Variants in IQCC observed in about 807,000 individuals in gnomAD.
IQCC encodes IQ motif containing C.
Under a neutral mutation model 27.0 loss-of-function variants are expected in IQCC, and 23 were observed. The observed-to-expected ratio is 0.85, with a 90% CI of 0.61 to 1.21. The LOEUF is 1.21. Among genes scored for constraint, IQCC ranks in the 50% most tolerant of loss-of-function variants. The pLI is 0.00. For synonymous variants in IQCC, 220 were observed against 217.2 expected (o/e 1.01, Z -0.11); for missense variants, 552 against 562.3 (o/e 0.98, Z 0.19).
In IQCC at chr1:32,208,107, A is replaced by G; in HGVS notation, c.*25A>G. ...GACCCTAGGAAGCCAGGAGAGGATC[A>G]GGTTCCAAAGGGGAATGCTATGAAA... On this transcript the variant is annotated 3_prime_UTR_variant, in exon 5 of 5. Transcript: ENST00000291358. The G allele has an allele frequency of 6.4e-7, 1 of 1,557,568 alleles. No homozygotes were observed. The highest frequency in any genetic ancestry group is 8.7e-7 in the Non-Finnish European group (1 of 1,152,358).
At chr1:32,206,398 A>T in intron 2 of IQCC, 101 bp downstream of exon 2, 2 of 1,596,134 alleles carry the variant, frequency 1.3e-6, no homozygotes, top group Non-Finnish European at 1.7e-6. Context: ...CAGTAGACTC[A>T]CCTCCTCACA....
In IQCC at chr1:32,206,999, C is replaced by G. The variant is rs760614045; in HGVS notation, c.440-3C>G. 5 of 1,602,786 alleles carry G rather than the reference C, an allele frequency of 3.1e-6. No individual in the cohort carries two copies. Among genetic ancestry groups the G allele is most frequent in the Non-Finnish European group, 4.3e-6 (5 of 1,173,124 alleles). On this transcript the variant is annotated splice_polypyrimidine_tract_variant and splice_region_variant and intron_variant, in intron 3 of 4. Transcript: ENST00000291358. The stretch of plus-strand genomic sequence containing the variant: ...TCTCCTTCCTTTCTTCCCTCCTTCA[C>G]AGAAGCCACAGATCAAAGACTGCCC...
Position 32,207,787 on chromosome 1 carries a change from T to C in IQCC, c.1106T>C (p.Val369Ala). Reference sequence around the variant, plus strand: ...CACAAAGAGCCTGACTGCCGAACAGTCAGGACACAAGAGTTGGGCCTCTCA... The same window carrying C: ...CACAAAGAGCCTGACTGCCGAACAGCCAGGACACAAGAGTTGGGCCTCTCA... Reference protein sequence around the residue: ...LDHKEPDCRTVRTQELGLSED... With the variant: ...LDHKEPDCRTARTQELGLSED... Residue 369 changes from valine to alanine, a missense_variant, in exon 5 of 5, where the codon GTC (valine) becomes GCC (alanine). By Grantham distance (64) the Val-to-Ala change is moderately conservative (BLOSUM62 0). Transcript: ENST00000291358. 1 of 1,613,926 alleles carries C rather than the reference T, an allele frequency of 6.2e-7. No individual in the cohort carries two copies. Among genetic ancestry groups the C allele is most frequent in the Non-Finnish European group, 8.5e-7 (1 of 1,179,962 alleles).
chr1:32,206,240 C>G lies in IQCC; in HGVS notation c.129C>G (p.Asp43Glu). 3 of 1,614,210 alleles carry G rather than the reference C, an allele frequency of 1.9e-6. No homozygotes were observed. Among genetic ancestry groups the G allele is most frequent in the Non-Finnish European group, 2.5e-6 (3 of 1,180,030 alleles). ...CGATTGTACGAGAGGTCGAGGGCGA[C>G]CTGGGCACGCTTCAGTGGACCGAGG... ...YEAIVREVEGDLGTLQWTEGR... is the reference protein window; with the variant it reads ...YEAIVREVEGELGTLQWTEGR... The change falls in exon 2 of 5, where the codon GAC becomes GAG. Residue 43 changes from aspartate (D) to glutamate (E), a missense_variant. Physicochemically the swap from Asp to Glu is conservative, Grantham distance 45 (BLOSUM62 2). Transcript: ENST00000291358.
rs1380708175 is a variant in IQCC at position 32,207,652 on chromosome 1, C to A, written c.971C>A (p.Thr324Asn). 1 of 1,614,002 alleles carries A rather than the reference C, an allele frequency of 6.2e-7. No homozygotes were observed. The highest frequency in any genetic ancestry group is 8.5e-7 in the Non-Finnish European group (1 of 1,179,990). The stretch of plus-strand genomic sequence containing the variant: ...CAGATGAAAATCCTGGAGGACCAGA[C>A]CCCCAGAGGTTTAAAACCTAGGAAC... Reference protein sequence around the residue: ...LLQMKILEDQTPRGLKPRNHC... With the variant: ...LLQMKILEDQNPRGLKPRNHC... The change falls in exon 5 of 5, where the codon ACC becomes AAC. Residue 324 changes from threonine (T) to asparagine (N), a missense_variant. Transcript: ENST00000291358.
chr1:32,207,368 G>C lies in IQCC; in HGVS notation c.687G>C (p.Glu229Asp). 1 of 1,614,044 alleles carries C rather than the reference G, an allele frequency of 6.2e-7. No individual in the cohort carries two copies. The highest frequency in any genetic ancestry group is 1.6e-4 in the Middle Eastern group (1 of 6,062). The change falls in exon 5 of 5, where the codon GAG (glutamate) becomes GAC (aspartate). Residue 229 changes from glutamate to aspartate, a missense_variant. Coordinates refer to ENST00000291358, the MANE Select transcript of IQCC (RefSeq NM_018134.3). ...RDQSQPSAPL[E>D]DQSYRDRTTG... ...AGTCACAACCAAGCGCACCACTGGA[G>C]GACCAGTCCTACAGAGACAGGACCA...
chr1:32,206,121 A>G (rs202112274), intron 1 of IQCC, 33 bp from the exon 2 acceptor site: 375 of 1,613,596 alleles, frequency 2.3e-4, no homozygotes, highest in Non-Finnish European at 3.1e-4. Flanking sequence ...TTACCGTGAT[A>G]AGGGACTTCT....
Position 32,206,497 on chromosome 1 carries a change from C to CT in IQCC, c.187-10dup, listed in dbSNP as rs1245748131. ...TTAGCCCTGGGGCTCTCACATCTCT[C>CT]TTGTTTCTCAGAAGGCAAAATCCCA... On this transcript the variant is annotated splice_polypyrimidine_tract_variant and intron_variant, in intron 2 of 4. Coordinates refer to ENST00000291358, the MANE Select transcript of IQCC (RefSeq NM_018134.3). The CT allele has an allele frequency of 3.1e-6, 5 of 1,613,886 alleles. No homozygotes were observed. In the African/African-American group the frequency reaches 6.7e-5, roughly 22 times the overall value.
rs1244786768 is a variant in IQCC at position 32,205,850 on chromosome 1, C to G, written c.42+127C>G. 3.2e-6 allele frequency: 5 copies of G among 1,555,100 alleles called. No individual in the cohort carries two copies. The highest frequency in any genetic ancestry group is 2.6e-6 in the Non-Finnish European group (3 of 1,148,916). On this transcript the variant is annotated intron_variant, in intron 1 of 4. Coordinates refer to ENST00000291358, the MANE Select transcript of IQCC (RefSeq NM_018134.3). This position sits in a 1 kb window ranked among gnomAD's most constrained non-coding sequence, Gnocchi z 5.6. ...AACTGCGCGCCAACCTCTGGAGATA[C>G]CGGCTGTCCCCAACCGCGCTGAGGA...
intron 2 of IQCC, 67 bp downstream of exon 2, chr1:32,206,364 A>T: frequency 6.2e-7 from 1 of 1,603,914 alleles, no homozygotes. Flanking sequence ...CTTCCCAGTG[A>T]TAAGCTTTTC....
chr1:32,206,103 C>A, intron 1 of IQCC, 51 bp from the exon 2 acceptor site: 1 of 1,612,610 alleles, frequency 6.2e-7, no homozygotes, highest in Non-Finnish European at 8.5e-7. Flanking sequence ...TCCGAGATGC[C>A]CCCTCTCTTA....
At position 32,208,206 on chromosome 1, in the gene IQCC, A is replaced by G; in HGVS notation, c.*124A>G. On this transcript the variant is annotated 3_prime_UTR_variant, in exon 5 of 5. Coordinates refer to ENST00000291358, the MANE Select transcript of IQCC (RefSeq NM_018134.3). ...CTGCTCCTGCCCCTGGCCATTGGTG[A>G]CTAGTGGGGCCAAGAGAAGCTGGAG... 9.5e-7 allele frequency: 1 copy of G among 1,049,196 alleles called. No homozygotes were observed. Among genetic ancestry groups the G allele is most frequent in the Non-Finnish European group, 1.4e-6 (1 of 736,534 alleles). The allele number at this position is 1,049,196 out of a possible 1,614,324, so 65.0% of individuals were successfully genotyped here.
Position 32,208,149 on chromosome 1 carries a change from C to T in IQCC, c.*67C>T, listed in dbSNP as rs942702708. On this transcript the variant is annotated 3_prime_UTR_variant, in exon 5 of 5. Transcript: ENST00000291358. ...GCTATGAAAGGGCAGTGAGACAAGA[C>T]CTCATCCTACCTCCCTGACCAGCTC... 154 of 1,453,422 alleles carry T rather than the reference C, an allele frequency of 1.1e-4. No homozygotes were observed. The highest frequency in any genetic ancestry group is 1.3e-4 in the Non-Finnish European group (139 of 1,091,766). The allele number at this position is 1,453,422 out of a possible 1,614,324, so 90.0% of individuals were successfully genotyped here.
At position 32,207,482 on chromosome 1, in the gene IQCC, C is replaced by G. The variant is rs778886725; in HGVS notation, c.801C>G (p.Asn267Lys). Residue 267 changes from asparagine to lysine, a missense_variant, in exon 5 of 5, where the codon AAC becomes AAG. Asn to Lys is a moderately conservative substitution (Grantham distance 94, BLOSUM62 0). Coordinates refer to ENST00000291358, the MANE Select transcript of IQCC (RefSeq NM_018134.3). ...SPGSLATTQK[N>K]IAGAKCREPC... ...GAAGTTTGGCCACTACACAAAAAAA[C>G]ATTGCTGGGGCTAAGTGCAGAGAAC... 1.2e-6 allele frequency: 2 copies of G among 1,613,312 alleles called. No individual in the cohort carries two copies. Among genetic ancestry groups the G allele is most frequent in the African/African-American group, 2.7e-5 (2 of 74,900 alleles).
rs761962436 is a variant in IQCC at position 32,207,488 on chromosome 1, T to G, written c.807T>G (p.Ala269=). 6.2e-7 allele frequency: 1 copy of G among 1,613,112 alleles called. No individual in the cohort carries two copies. The highest frequency in any genetic ancestry group is 8.5e-7 in the Non-Finnish European group (1 of 1,179,660). ...GSLATTQKNI[A]GAKCREPCYS... ...TGGCCACTACACAAAAAAACATTGC[T>G]GGGGCTAAGTGCAGAGAACCATGCT... The change falls in exon 5 of 5, where the codon GCT becomes GCG. Residue 269 remains alanine, a synonymous_variant. Transcript: ENST00000291358.
chr1:32,205,773 T>A lies in IQCC; in HGVS notation c.42+50T>A. ...CAGGATTTTTCCTTTAGGGAAATCA[T>A]GGGGTCTCGTACCTGGACCTCCCAG... On this transcript the variant is annotated intron_variant, in intron 1 of 4. Transcript: ENST00000291358. This position sits in a 1 kb window ranked among gnomAD's most constrained non-coding sequence, Gnocchi z 5.6. 6.2e-7 allele frequency: 1 copy of A among 1,603,284 alleles called. No homozygotes were observed. Among genetic ancestry groups the A allele is most frequent in the Non-Finnish European group, 8.5e-7 (1 of 1,176,064 alleles).
At position 32,207,971 on chromosome 1, in the gene IQCC, G is replaced by A. The variant is rs894848735; in HGVS notation, c.1290G>A (p.Arg430=). The A allele has an allele frequency of 7.4e-6, 12 of 1,614,156 alleles. No homozygotes were observed. The highest frequency in any genetic ancestry group is 2.7e-5 in the African/African-American group (2 of 75,028). Residue 430 remains arginine, a synonymous_variant, in exon 5 of 5, where the codon AGG becomes AGA. Coordinates refer to ENST00000291358, the MANE Select transcript of IQCC (RefSeq NM_018134.3). ...EPSHEGQKKQ[R]TIPWRSKSPE... is the part of the protein sequence containing the mutation. ...GTCATGAAGGACAGAAAAAGCAGAG[G>A]ACTATACCATGGAGATCAAAGTCAC...
In IQCC at chr1:32,207,845, G is replaced by C. The variant is rs987479317; in HGVS notation, c.1164G>C (p.Gly388=). The part of the protein sequence containing the change: ...EDHIIWDGTL[G]GPEHSVLDLW... ...ACATCATCTGGGATGGTACCTTGGG[G>C]GGGCCAGAGCATAGTGTCCTCGATC... is the stretch of plus-strand genomic sequence containing the variant. Residue 388 remains glycine (G), a synonymous_variant, in exon 5 of 5, where the codon GGG becomes GGC. Coordinates refer to ENST00000291358, the MANE Select transcript of IQCC (RefSeq NM_018134.3). The C allele has an allele frequency of 1.2e-6, 2 of 1,614,136 alleles. No individual in the cohort carries two copies. Among genetic ancestry groups the C allele is most frequent in the Non-Finnish European group, 1.7e-6 (2 of 1,180,024 alleles).
At position 32,206,772 on chromosome 1, in the gene IQCC, G is replaced by A; in HGVS notation, c.439+11G>A. ...GGATGGAGAATCCAGGTACCTCTCT[G>A]CAAAGATCAGGGCAAGCCCCTGACC... On this transcript the variant is annotated intron_variant, in intron 3 of 4. Transcript: ENST00000291358. 6.2e-7 allele frequency: 1 copy of A among 1,613,664 alleles called. No homozygotes were observed.
Sources: gnomAD v4.1 joint callset for allele counts on GRCh38, gnomAD v4.1.1 for gene constraint, Gnocchi (gnomAD v3.1) non-coding constraint, MANE v1.5 for transcripts, NCBI Gene and HGNC (gene_info 2026-07-23, HGNC 2026-07-21) for gene names.